OPRM1: variants seen among roughly 807,000 people sequenced by gnomAD.
OPRM1 encodes mu-type opioid receptor.
In OPRM1, 27 loss-of-function variants were observed where a neutral mutation model predicts 31.8. That is an observed-to-expected ratio of 0.85 (90% confidence interval 0.63 to 1.17). The LOEUF is 1.17. Among genes scored for constraint, OPRM1 ranks in the 50% most tolerant of loss-of-function variants. The pLI, the probability that OPRM1 is intolerant of heterozygous loss-of-function variation, is 0.00. For synonymous variants in OPRM1, 196 were observed against 189.9 expected, an observed-to-expected ratio of 1.03 and a Z score of -0.26; for missense variants, 536 against 511.1, an observed-to-expected ratio of 1.05 and a Z score of -0.47.
At chr6:154,235,531 C>CAAAAAAAAA (rs34877577) in intron 3 of OPRM1, among the ~76,000 whole-genome samples, 1 of 97,588 alleles carries the variant, frequency 1.0e-5, no homozygotes, top group African/African-American at 3.7e-5. Flanking sequence ...AACTCTGTCA[C>CAAAAAAAAA]AAAAAAAAAA....
intron 3 of OPRM1, among the ~76,000 whole-genome samples, chr6:154,219,686 C>T (rs1488423822): frequency 6.6e-6 from 1 of 152,124 alleles, no homozygotes; most frequent in African/African-American, 2.4e-5. Flanking sequence ...TTAACATCCT[C>T]TCCATTCGTG....
intron 3 of OPRM1, among the ~76,000 whole-genome samples, chr6:154,209,271 A>G (rs1180942909): frequency 6.6e-6 from 1 of 152,220 alleles, no homozygotes; most frequent in East Asian, 1.9e-4. Context: ...TTGGGGAAAA[A>G]AATATTTTTG....
intron 3 of OPRM1, among the ~76,000 whole-genome samples, chr6:154,211,314 C>T (rs142122881): frequency 0.068 from 10,246 of 151,558 alleles, 478 homozygotes; most frequent in Non-Finnish European, 0.096. Context: ...GAGGCTGAGG[C>T]AGGAGAATGG....
At chr6:154,132,432 C>T (rs961888088), downstream of OPRM1, among the ~76,000 whole-genome samples, 9 of 152,120 alleles carry the variant, frequency 5.9e-5, no homozygotes, top group African/African-American at 1.2e-4. Context: ...GTAAATGTTG[C>T]GACGTAGGTA....
At chr6:154,054,593 C>T (rs1210170597) in intron 1 of OPRM1, among the ~76,000 whole-genome samples, 4 of 152,082 alleles carry the variant, frequency 2.6e-5, no homozygotes, top group Non-Finnish European at 5.9e-5. Flanking sequence ...TATTTTACTT[C>T]CCTGAACTTT....
intron 1 of OPRM1, among the ~76,000 whole-genome samples, chr6:154,011,704 A>G (rs1034741035): frequency 1.3e-5 from 2 of 152,142 alleles, no homozygotes; most frequent in Non-Finnish European, 2.9e-5. Context: ...ATTTTAGAAC[A>G]TTTCCTCTTT....
chr6:154,077,969 G>A (rs1788252619), intron 1 of OPRM1, among the ~76,000 whole-genome samples: 1 of 151,886 alleles, frequency 6.6e-6, no homozygotes, highest in African/African-American at 2.4e-5. Flanking sequence ...CAAAGGCAGT[G>A]AACATATTTC....
At chr6:154,020,036 T>C (rs1345283405) in intron 1 of OPRM1, among the ~76,000 whole-genome samples, 1 of 152,142 alleles carries the variant, frequency 6.6e-6, no homozygotes, top group Non-Finnish European at 1.5e-5. Context: ...ACCCAGCTGA[T>C]AGCTTATTTC....
At chr6:154,057,954 A>G (rs1783646529) in intron 1 of OPRM1, among the ~76,000 whole-genome samples, 1 of 152,246 alleles carries the variant, frequency 6.6e-6, no homozygotes, top group South Asian at 2.1e-4. Flanking sequence ...AGAAATTGAC[A>G]CTATCTTTTA....
chr6:154,017,194 C>T (rs749929916), intron 1 of OPRM1, among the ~76,000 whole-genome samples: 1 of 152,088 alleles, frequency 6.6e-6, no homozygotes, highest in African/African-American at 2.4e-5. Context: ...AACATAAGCT[C>T]CATTAAACCA....
intron 1 of OPRM1, among the ~76,000 whole-genome samples, chr6:154,088,526 T>C (rs542396994): frequency 5.9e-5 from 9 of 152,314 alleles, no homozygotes; most frequent in Non-Finnish European, 8.8e-5. Context: ...AAAACACTTA[T>C]GGGTTTTTAA....
chr6:154,089,523 G>A (rs1045369607), intron 1 of OPRM1, among the ~76,000 whole-genome samples: 2 of 149,454 alleles, frequency 1.3e-5, no homozygotes, highest in African/African-American at 4.9e-5. Flanking sequence ...GGAGGTTAAA[G>A]CTGTAGTGAG....
chr6:154,179,275 C>A (rs946079130), intron 3 of OPRM1, among the ~76,000 whole-genome samples: 7 of 152,200 alleles, frequency 4.6e-5, no homozygotes, highest in Non-Finnish European at 1.0e-4. Flanking sequence ...GCTTGTCAAA[C>A]CTTTCTGGCT....
At chr6:154,054,061 G>A (rs1782708553) in intron 1 of OPRM1, among the ~76,000 whole-genome samples, 1 of 151,702 alleles carries the variant, frequency 6.6e-6, no homozygotes, top group African/African-American at 2.4e-5. Flanking sequence ...AATCCTGGTG[G>A]TACCTTAGAA....
intron 3 of OPRM1, among the ~76,000 whole-genome samples, chr6:154,189,197 A>G (rs1801644196): frequency 5.9e-5 from 9 of 152,252 alleles, no homozygotes; most frequent in Admixed American, 5.9e-4. Context: ...ATCCATAATC[A>G]AGATTACCAC....
chr6:154,134,748 G>C (rs534828041), downstream of OPRM1, among the ~76,000 whole-genome samples: 1 of 152,080 alleles, frequency 6.6e-6, no homozygotes. Context: ...AGTTCTCTTC[G>C]AGAAACTGGC....
At chr6:154,027,284 C>CTTGTTTGTTTGTTTGTTTGT (rs111711727) in intron 1 of OPRM1, among the ~76,000 whole-genome samples, 95 of 151,702 alleles carry the variant, frequency 6.3e-4, no homozygotes, top group East Asian at 3.7e-3. Context: ...TCTTGTGTTT[C>CTTGTTTGTTTGTTTGTTTGT]TTGTTTGTTT....
chr6:154,190,881 C>A (rs553753081), intron 3 of OPRM1, among the ~76,000 whole-genome samples: 2 of 152,110 alleles, frequency 1.3e-5, no homozygotes, highest in East Asian at 3.9e-4. Flanking sequence ...ACGGTGAAAC[C>A]CCGTCTCTAC....
At chr6:154,096,160 G>A (rs981530740) in intron 3 of OPRM1, among the ~76,000 whole-genome samples, 2 of 152,086 alleles carry the variant, frequency 1.3e-5, no homozygotes, top group African/African-American at 2.4e-5. Context: ...TGGTTCAAAC[G>A]ATTCTCCTGC....
Sources: gnomAD v4.1 joint callset for allele counts (sites outside exome capture counted in the v4.1 genomes callset) on GRCh38, gnomAD v4.1.1 for gene constraint, MANE v1.5 for transcripts, NCBI Gene and HGNC (gene_info 2026-07-23, HGNC 2026-07-21) for gene names.